ADAMTSL3: variants seen among roughly 807,000 people sequenced by gnomAD.
ADAMTSL3 encodes ADAMTS like 3, also known as ADAMTS-like protein 3.
In ADAMTSL3, 128 loss-of-function variants were observed where a neutral mutation model predicts 201.7. The ratio of observed to expected loss-of-function variants is 0.63; its 90% confidence interval spans 0.55 to 0.73. ADAMTSL3 has a LOEUF of 0.73. Among genes scored for constraint, ADAMTSL3 ranks in the 30% least tolerant of loss-of-function variants. The probability of loss-of-function intolerance (pLI) is 0.00; values close to 1 mark genes in which losing one functional copy is unlikely to be tolerated. For synonymous variants in ADAMTSL3, 738 were observed against 748.4 expected, an observed-to-expected ratio of 0.99 and a Z score of 0.23; for missense variants, 1,990 against 2,119.6, an observed-to-expected ratio of 0.94 and a Z score of 1.20.
intron 15 of ADAMTSL3, among the ~76,000 whole-genome samples, chr15:83,903,271 A>C (rs2065762646): frequency 7.7e-6 from 1 of 129,836 alleles, no homozygotes; most frequent in African/African-American, 3.1e-5. Context: ...ATGGTGAGAG[A>C]TACACAACAC....
intron 6 of ADAMTSL3, among the ~76,000 whole-genome samples, chr15:83,825,142 A>T (rs1050403588): frequency 2.6e-5 from 4 of 151,852 alleles, no homozygotes; most frequent in Non-Finnish European, 2.9e-5. Context: ...AAAGCTTACC[A>T]TATAATTCTT....
intron 4 of ADAMTSL3, among the ~76,000 whole-genome samples, chr15:83,790,493 T>C (rs2063328612): frequency 6.6e-6 from 1 of 151,934 alleles, no homozygotes; most frequent in South Asian, 2.1e-4. Context: ...TATAGGATCT[T>C]ATCAATTGAT....
rs964531209 is a variant in ADAMTSL3, at chr15:83,672,251, GAA to G, written c.69+16424_69+16425del. ...TGGATACTCTGAGTCTATAGTTTGTGAAAAGAGTGACCCATATATGTTAGAAT... is the reference window on the plus strand; with the variant it reads ...TGGATACTCTGAGTCTATAGTTTGTGAAGAGTGACCCATATATGTTAGAAT... On this transcript the variant is annotated intron_variant, in intron 2 of 29. Coordinates refer to ENST00000286744, the MANE Select transcript of ADAMTSL3 (RefSeq NM_207517.3). Among the ~76,000 whole-genome samples the G allele has an allele frequency of 2.2e-4, 33 of 152,302 alleles. No individual in the cohort carries two copies. The Middle Eastern group carries it at 0.014, about 63-fold the overall frequency.
intron 7 of ADAMTSL3, among the ~76,000 whole-genome samples, chr15:83,853,899 ACTCTAT>A (rs2064670959): frequency 7.3e-6 from 1 of 136,826 alleles, no homozygotes; most frequent in Non-Finnish European, 1.6e-5. Context: ...TATCCCTATC[ACTCTAT>A]CTCTATCTAT....
At chr15:83,783,641 G>T (rs1429954028) in intron 4 of ADAMTSL3, among the ~76,000 whole-genome samples, 3 of 151,898 alleles carry the variant, frequency 2.0e-5, no homozygotes, top group Non-Finnish European at 4.4e-5. Flanking sequence ...AGAAGCATTA[G>T]CAGAAATAGA....
chr15:83,875,524 C>G (rs2065161051), intron 9 of ADAMTSL3, among the ~76,000 whole-genome samples: 1 of 152,182 alleles, frequency 6.6e-6, no homozygotes, highest in Non-Finnish European at 1.5e-5. Flanking sequence ...GTGGCTCACG[C>G]CTGTAATACC....
intron 3 of ADAMTSL3, among the ~76,000 whole-genome samples, chr15:83,763,752 G>C (rs1198258441): frequency 6.6e-6 from 1 of 152,094 alleles, no homozygotes; most frequent in Non-Finnish European, 1.5e-5. Context: ...TGATCCGCCC[G>C]CCTTGGCCTC....
chr15:83,718,439 C>T (rs1027672407), intron 3 of ADAMTSL3, among the ~76,000 whole-genome samples: 16 of 152,118 alleles, frequency 1.1e-4, no homozygotes, highest in African/African-American at 3.6e-4. Context: ...CGCAGTGGCT[C>T]ACACCTGCAA....
chr15:83,710,351 C>G (rs896875851), intron 3 of ADAMTSL3, among the ~76,000 whole-genome samples: 1 of 152,136 alleles, frequency 6.6e-6, no homozygotes, highest in Non-Finnish European at 1.5e-5. Context: ...TCTCATCTAC[C>G]ATTGCTTTCA....
intron 17 of ADAMTSL3, among the ~76,000 whole-genome samples, chr15:83,932,686 C>CA (rs2066383656): frequency 6.6e-6 from 1 of 152,088 alleles, no homozygotes; most frequent in South Asian, 2.1e-4. Flanking sequence ...CTATGTGATC[C>CA]AAAAAATTAA....
intron 2 of ADAMTSL3, among the ~76,000 whole-genome samples, chr15:83,662,561 A>T (rs890897155): frequency 7.1e-6 from 1 of 139,960 alleles, no homozygotes; most frequent in Non-Finnish European, 1.6e-5. Context: ...CCTAAAACTT[A>T]AAGTATAATA....
intron 27 of ADAMTSL3, 116 bp from the exon 28 acceptor site, chr15:84,031,219 T>A: frequency 1.0e-6 from 1 of 961,574 alleles, no homozygotes; most frequent in Non-Finnish European, 1.6e-6. Context: ...TGGGGACAGT[T>A]GGTTACAGTC....
At chr15:83,773,961 G>C (rs555305326) in intron 4 of ADAMTSL3, among the ~76,000 whole-genome samples, 2 of 152,114 alleles carry the variant, frequency 1.3e-5, no homozygotes, top group Non-Finnish European at 2.9e-5. Context: ...AGTCTTCTGA[G>C]TTCTGCCCTT....
chr15:83,707,476 A>G (rs1414025658), intron 3 of ADAMTSL3, among the ~76,000 whole-genome samples: 2 of 152,230 alleles, frequency 1.3e-5, no homozygotes, highest in African/African-American at 2.4e-5. Flanking sequence ...AGTAAAACGC[A>G]TACATATCTG....
chr15:83,824,671 G>C (rs1300292943), intron 6 of ADAMTSL3, among the ~76,000 whole-genome samples: 1 of 152,052 alleles, frequency 6.6e-6, no homozygotes, highest in Non-Finnish European at 1.5e-5. Context: ...GGCAACCATG[G>C]ATCTTTTTAC....
intron 6 of ADAMTSL3, among the ~76,000 whole-genome samples, chr15:83,829,958 A>G (rs776547982): frequency 3.3e-5 from 5 of 152,152 alleles, no homozygotes; most frequent in Non-Finnish European, 7.3e-5. Flanking sequence ...TATGTGGTCA[A>G]TTTTGTAATA....
At chr15:83,704,262 C>A in intron 2 of ADAMTSL3, 127 bp from the exon 3 acceptor site, 1 of 1,409,432 alleles carries the variant, frequency 7.1e-7, no homozygotes, top group Non-Finnish European at 9.7e-7. Flanking sequence ...CAAGAGAGGT[C>A]ACTTCCCTTT....
intron 28 of ADAMTSL3, among the ~76,000 whole-genome samples, chr15:84,031,698 T>C (rs992479776): frequency 6.6e-6 from 1 of 152,228 alleles, no homozygotes; most frequent in East Asian, 1.9e-4. Context: ...AAGGATATCA[T>C]TGAGAAAACG....
At chr15:83,821,528 A>G (rs2063865057) in intron 6 of ADAMTSL3, among the ~76,000 whole-genome samples, 1 of 151,540 alleles carries the variant, frequency 6.6e-6, no homozygotes. Flanking sequence ...GAGTGGACAC[A>G]GCACATGTTT....
Sources: allele counts gnomAD v4.1 joint callset (sites outside exome capture counted in the v4.1 genomes callset), GRCh38; gene constraint gnomAD v4.1.1; transcripts MANE v1.5; gene names NCBI Gene and HGNC (gene_info 2026-07-23, HGNC 2026-07-21).